USP49: variants seen among roughly 807,000 people sequenced by gnomAD.
The protein encoded by USP49 is ubiquitin carboxyl-terminal hydrolase 49.
A neutral mutation model predicts 58.6 loss-of-function variants in USP49; 24 were observed. That is an observed-to-expected ratio of 0.41 (90% CI 0.30 to 0.58). USP49 has a LOEUF of 0.58. Ranked by LOEUF, USP49 falls within the 20% of genes least tolerant of loss-of-function variation. The pLI is 0.30. For missense variants in USP49, 703 were observed against 866.1 expected, an observed-to-expected ratio of 0.81 and a Z score of 2.36; for synonymous variants, 408 against 365.1, an observed-to-expected ratio of 1.12 and a Z score of -1.34.
chr6:41,858,013 A>C (rs2127353464), intron 3 of USP49, among the ~76,000 whole-genome samples: 1 of 152,272 alleles, frequency 6.6e-6, no homozygotes, highest in South Asian at 2.1e-4. Context: ...GATACAGACA[A>C]AATGCAAATG....
chr6:41,868,516 T>C (rs898666382), intron 3 of USP49: 1 of 151,818 alleles, frequency 6.6e-6, no homozygotes, highest in South Asian at 2.1e-4. Flanking sequence ...TTAGTAGAGA[T>C]GGGGGTTTCA....
At chr6:41,852,443 A>T (rs371550825) in intron 3 of USP49, among the ~76,000 whole-genome samples, 2 of 152,274 alleles carry the variant, frequency 1.3e-5, no homozygotes, top group Non-Finnish European at 2.9e-5. Context: ...ATTTATATAC[A>T]CTAACAATGA....
At chr6:41,858,507 C>T (rs1266096098) in intron 3 of USP49, among the ~76,000 whole-genome samples, 1 of 151,990 alleles carries the variant, frequency 6.6e-6, no homozygotes, top group East Asian at 1.9e-4. Context: ...TTATAATGAC[C>T]AATCAGGCCC....
At chr6:41,814,863 A>G (rs1275012124) in intron 3 of USP49, among the ~76,000 whole-genome samples, 1 of 152,170 alleles carries the variant, frequency 6.6e-6, no homozygotes, top group East Asian at 1.9e-4. Flanking sequence ...GGTATCATCA[A>G]CATCTGTGAT....
At chr6:41,849,836 G>C (rs947940837) in intron 3 of USP49, among the ~76,000 whole-genome samples, 2 of 151,960 alleles carry the variant, frequency 1.3e-5, no homozygotes, top group South Asian at 4.1e-4. Context: ...TTGATCTCCT[G>C]ACCTCATGAT....
intron 3 of USP49, among the ~76,000 whole-genome samples, chr6:41,821,700 G>A (rs1773455564): frequency 6.6e-6 from 1 of 152,074 alleles, no homozygotes; most frequent in African/African-American, 2.4e-5. Context: ...CTTGAGCCTG[G>A]GAGGTGGAGG....
chr6:41,835,275 C>T (rs184451381), intron 3 of USP49, among the ~76,000 whole-genome samples: 96 of 152,286 alleles, frequency 6.3e-4, no homozygotes, highest in Non-Finnish European at 1.1e-3. Flanking sequence ...CCAACTTAAA[C>T]GAATGCTCAT....
intron 5 of USP49, among the ~76,000 whole-genome samples, chr6:41,802,444 A>AT (rs1773025624): frequency 9.9e-5 from 5 of 50,732 alleles, no homozygotes; most frequent in African/African-American, 3.6e-4. Flanking sequence ...TTATTTATTT[A>AT]TTTATTTATT....
chr6:41,805,748 C>A lies in USP49; in HGVS notation c.1236G>T (p.Gln412His). The change falls in exon 4 of 8, where the codon CAG becomes CAT. Residue 412 changes from glutamine (Q) to histidine (H), a missense_variant. By Grantham distance (24) the Gln-to-His change is conservative. Coordinates refer to ENST00000682992, the MANE Select transcript of USP49 (RefSeq NM_001286554.2). ...TGGTGCCCTCAGACTCGAGTTCCTG[C>A]TGCACCTTGTGCAGCAGCTCGCAGA... ...EFLCELLHKV[Q>H]QELESEGTTR... The A allele has an allele frequency of 6.2e-7, 1 of 1,614,116 alleles. No individual in the cohort carries two copies. Among genetic ancestry groups the A allele is most frequent in the Non-Finnish European group, 8.5e-7 (1 of 1,179,988 alleles).
At chr6:41,874,430 A>AATG (rs1377060973) in intron 2 of USP49, among the ~76,000 whole-genome samples, 16 of 152,132 alleles carry the variant, frequency 1.1e-4, no homozygotes, top group Admixed American at 8.5e-4. Flanking sequence ...AAACAATAAC[A>AATG]ATGATGATGA....
intron 3 of USP49, among the ~76,000 whole-genome samples, chr6:41,849,385 G>A (rs116256489): frequency 1.9e-3 from 293 of 152,180 alleles, no homozygotes; most frequent in Admixed American, 3.7e-3. Flanking sequence ...ATAATGGACA[G>A]AACAACCAGA....
At position 41,806,803 on chromosome 6, in the gene USP49, T is replaced by C. The variant is rs778709464; in HGVS notation, c.181A>G (p.Thr61Ala). The C allele has an allele frequency of 1.2e-5, 20 of 1,613,892 alleles. No homozygotes were observed. The Admixed American group carries it at 3.0e-4, about 24-fold the overall frequency. Residue 61 changes from threonine to alanine, a missense_variant, in exon 4 of 8, where the codon ACG becomes GCG. Thr to Ala is a moderately conservative substitution (Grantham distance 58, BLOSUM62 0). Transcript: ENST00000682992. The surrounding 1 kb of genome is among the most constrained non-coding windows in gnomAD (Gnocchi z 5.9). ...EDHALKHFEE[T>A]GHPLAMEVRD... Reference sequence around the variant, plus strand: ...ACTTCCATGGCTAGCGGGTGTCCCGTCTCCTCAAAGTGTTTCAGGGCGTGG... The same window carrying C: ...ACTTCCATGGCTAGCGGGTGTCCCGCCTCCTCAAAGTGTTTCAGGGCGTGG...
chr6:41,863,151 T>C (rs1774252387), intron 3 of USP49, among the ~76,000 whole-genome samples: 1 of 152,178 alleles, frequency 6.6e-6, no homozygotes. Context: ...CAGTTCTAGA[T>C]ATGGCACTCC....
chr6:41,798,738 T>C lies in USP49; in HGVS notation c.1862A>G (p.Tyr621Cys), dbSNP rs1772937929. The change falls in exon 7 of 8, where the codon TAC (tyrosine) becomes TGC (cysteine). Residue 621 changes from tyrosine to cysteine, a missense_variant. This residue lies in a region of USP49 where 158 missense variants were observed against 241.2 expected (regional missense o/e 0.66). Coordinates refer to ENST00000682992, the MANE Select transcript of USP49 (RefSeq NM_001286554.2). ...FGSGHYTAYCYNTEGGFWVHC... is the reference protein window; with the variant it reads ...FGSGHYTAYCCNTEGGFWVHC... ...AGCGCACGCACCTCCCTCTGTGTTG[T>C]AGCAATAGGCTGTGTAGTGTCCTGA... The C allele has an allele frequency of 2.5e-6, 4 of 1,614,140 alleles. No homozygotes were observed. Among genetic ancestry groups the C allele is most frequent in the South Asian group, 1.1e-5 (1 of 91,076 alleles).
chr6:41,799,952 G>A lies in USP49; in HGVS notation c.1562-14C>T. ...TTCGTCGTTTGCCTATGTGGTTTGGGAAGGTATAAGACATAGGTTGTGAGG... is the reference window on the plus strand; with the variant it reads ...TTCGTCGTTTGCCTATGTGGTTTGGAAAGGTATAAGACATAGGTTGTGAGG... On this transcript the variant is annotated splice_polypyrimidine_tract_variant and intron_variant, in intron 5 of 7. Coordinates refer to ENST00000682992, the MANE Select transcript of USP49 (RefSeq NM_001286554.2). 1 of 1,612,078 alleles carries A rather than the reference G, an allele frequency of 6.2e-7. No homozygotes were observed. The highest frequency in any genetic ancestry group is 1.1e-5 in the South Asian group (1 of 91,016).
intron 2 of USP49, among the ~76,000 whole-genome samples, chr6:41,882,112 A>G (rs1049375536): frequency 1.3e-5 from 2 of 152,164 alleles, no homozygotes; most frequent in African/African-American, 4.8e-5. Context: ...ATATCTTAAG[A>G]AATACTAGAA....
In USP49 at chr6:41,865,616, T is replaced by C. The variant is rs547484769; in HGVS notation, c.-29+5948A>G. On this transcript the variant is annotated intron_variant, in intron 3 of 7. Transcript: ENST00000682992. ...TCTGCCTCCCTAAATACTGGGATTATAGGCATGAGCCACCATGCTCGGCTT... is the reference window on the plus strand; with the variant it reads ...TCTGCCTCCCTAAATACTGGGATTACAGGCATGAGCCACCATGCTCGGCTT... 2.6e-5 allele frequency among the ~76,000 whole-genome samples: 4 copies of C among 151,792 alleles called. No homozygotes were observed. In the South Asian group the frequency reaches 8.3e-4, roughly 32 times the overall value.
At chr6:41,799,725 A>G (rs1772961100) in intron 6 of USP49, 105 bp downstream of exon 6, 2 of 970,890 alleles carry the variant, frequency 2.1e-6, no homozygotes, top group South Asian at 2.9e-5. Flanking sequence ...TCAAGTGAAC[A>G]GGCTTCCCCT....
At chr6:41,858,025 G>T (rs990429816) in intron 3 of USP49, among the ~76,000 whole-genome samples, 6 of 151,740 alleles carry the variant, frequency 4.0e-5, no homozygotes, top group African/African-American at 1.2e-4. Context: ...ATGCAAATGG[G>T]GTGTGTGTGT....
Sources: gnomAD v4.1 joint callset for allele counts (sites outside exome capture counted in the v4.1 genomes callset) on GRCh38, gnomAD v4.1.1 for gene constraint, gnomAD v4.1.1 regional missense constraint, Gnocchi (gnomAD v3.1) non-coding constraint, MANE v1.5 for transcripts, NCBI Gene and HGNC (gene_info 2026-07-23, HGNC 2026-07-21) for gene names.